The following PARP11 variants were observed in gnomAD, a reference collection of about 807,000 sequenced individuals.
PARP11 encodes the protein protein mono-ADP-ribosyltransferase PARP11.
In PARP11, 31 loss-of-function variants were observed where a neutral mutation model predicts 42.9. That is an observed-to-expected ratio of 0.72 (90% confidence interval 0.54 to 0.98). PARP11 has a LOEUF of 0.98. PARP11 is among the 50% of genes least tolerant of loss of function. The pLI is 0.00. For synonymous variants in PARP11, 137 were observed against 127.3 expected (o/e 1.08, Z -0.51); for missense variants, 365 against 413.1 (o/e 0.88, Z 1.01).
At chr12:3,856,370 T>C (rs1332879635) in intron 1 of PARP11, among the ~76,000 whole-genome samples, 1 of 152,120 alleles carries the variant, frequency 6.6e-6, no homozygotes, top group African/African-American at 2.4e-5. Context: ...AATCTACCCA[T>C]CTGACAAAGG....
intron 6 of PARP11, among the ~76,000 whole-genome samples, chr12:3,821,408 T>C (rs76315635): frequency 0.06 from 9,065 of 152,274 alleles, 344 homozygotes; most frequent in East Asian, 0.18. Flanking sequence ...CAGTAAGGAA[T>C]TGAGATTTTA....
intron 1 of PARP11, among the ~76,000 whole-genome samples, chr12:3,862,498 A>G (rs1948312808): frequency 6.6e-6 from 1 of 151,596 alleles, no homozygotes; most frequent in Non-Finnish European, 1.5e-5. Flanking sequence ...TCACCTGGAA[A>G]TTTGTAGTCT....
chr12:3,859,759 A>G (rs1948264822), intron 1 of PARP11, among the ~76,000 whole-genome samples: 1 of 152,170 alleles, frequency 6.6e-6, no homozygotes, highest in African/African-American at 2.4e-5. Context: ...GATAAATAAA[A>G]AATACCATGC....
intron 1 of PARP11, among the ~76,000 whole-genome samples, chr12:3,834,547 C>G (rs1188006396): frequency 6.7e-6 from 1 of 148,644 alleles, no homozygotes; most frequent in Non-Finnish European, 1.5e-5. Context: ...GAGAAGAGAA[C>G]TGATTGAACC....
intron 3 of PARP11, among the ~76,000 whole-genome samples, chr12:3,827,465 G>A (rs1947550829): frequency 6.6e-6 from 1 of 152,084 alleles, no homozygotes; most frequent in African/African-American, 2.4e-5. Flanking sequence ...TCTGGTGTCT[G>A]TGCATATCAT....
chr12:3,852,574 G>A (rs1210640468), intron 1 of PARP11, among the ~76,000 whole-genome samples: 1 of 152,028 alleles, frequency 6.6e-6, no homozygotes, highest in Non-Finnish European at 1.5e-5. Flanking sequence ...GAAGCAAGAA[G>A]TTTAAAGAAA....
intron 1 of PARP11, among the ~76,000 whole-genome samples, chr12:3,856,358 GC>G (rs1948188858): frequency 6.6e-6 from 1 of 152,072 alleles, no homozygotes; most frequent in South Asian, 2.1e-4. Flanking sequence ...AAAAATTTTT[GC>G]AATCTACCCA....
At chr12:3,830,055 C>A (rs201661286) in intron 1 of PARP11, 37 bp from the exon 2 acceptor site, 3 of 1,590,516 alleles carry the variant, frequency 1.9e-6, no homozygotes, top group African/African-American at 2.7e-5. Flanking sequence ...AGAAATAATT[C>A]TATTAATAAC....
chr12:3,843,301 T>C (rs1461216246), intron 1 of PARP11, among the ~76,000 whole-genome samples: 1 of 152,244 alleles, frequency 6.6e-6, no homozygotes, highest in Non-Finnish European at 1.5e-5. Context: ...TCGAAAGAAA[T>C]GTAGATGCTA....
intron 1 of PARP11, among the ~76,000 whole-genome samples, chr12:3,847,305 T>G (rs1948023215): frequency 1.3e-5 from 2 of 152,058 alleles, no homozygotes; most frequent in Admixed American, 1.3e-4. Flanking sequence ...AGGAAATACT[T>G]CAAACTCAAT....
At chr12:3,815,229 G>C (rs1360839805) in intron 6 of PARP11, among the ~76,000 whole-genome samples, 1 of 152,190 alleles carries the variant, frequency 6.6e-6, no homozygotes, top group African/African-American at 2.4e-5. Context: ...TTTAATGCCT[G>C]CTTCAATTCA....
At chr12:3,818,933 C>G (rs1318966963) in intron 6 of PARP11, among the ~76,000 whole-genome samples, 1 of 152,172 alleles carries the variant, frequency 6.6e-6, no homozygotes, top group Non-Finnish European at 1.5e-5. Flanking sequence ...TGGCCCTCTT[C>G]TTTTCTTAAT....
At chr12:3,816,515 T>C (rs1947289381) in intron 6 of PARP11, among the ~76,000 whole-genome samples, 1 of 152,222 alleles carries the variant, frequency 6.6e-6, no homozygotes, top group Non-Finnish European at 1.5e-5. Flanking sequence ...TCAACCACTA[T>C]AAAGTGAGAA....
chr12:3,853,320 A>G (rs981949690), intron 1 of PARP11, among the ~76,000 whole-genome samples: 4 of 152,222 alleles, frequency 2.6e-5, no homozygotes, highest in African/African-American at 4.8e-5. Context: ...AAATACCCCA[A>G]TTAAAAGACA....
intron 1 of PARP11, among the ~76,000 whole-genome samples, chr12:3,857,241 C>T (rs779687437): frequency 1.2e-4 from 18 of 151,772 alleles, no homozygotes; most frequent in Admixed American, 7.2e-4. Flanking sequence ...CAAACCTGTA[C>T]GTTGTGCACA....
chr12:3,840,924 T>A lies in PARP11; in HGVS notation c.19-10906A>T, dbSNP rs1947874123. Reference sequence around the variant, plus strand: ...TAGTTTCTCCAGAGGTACATCTAACTCCTGCAGTGCCTTCTTTACCAGCCA... The same window carrying A: ...TAGTTTCTCCAGAGGTACATCTAACACCTGCAGTGCCTTCTTTACCAGCCA... On this transcript the variant is annotated intron_variant, in intron 1 of 7. Coordinates refer to ENST00000228820, the MANE Select transcript of PARP11 (RefSeq NM_020367.6). The surrounding 1 kb of genome is among the most constrained non-coding windows in gnomAD (Gnocchi z 4.4). 1.2e-6 allele frequency: 2 copies of A among 1,604,400 alleles called. No individual in the cohort carries two copies. The highest frequency in any genetic ancestry group is 3.3e-5 in the Admixed American group (2 of 59,992).
intron 1 of PARP11, among the ~76,000 whole-genome samples, chr12:3,870,692 G>A (rs938506311): frequency 6.6e-6 from 1 of 152,080 alleles, no homozygotes; most frequent in East Asian, 1.9e-4. Context: ...GATACTATAG[G>A]AAAAATAACA....
At chr12:3,831,973 T>G in intron 1 of PARP11, 11 of 182,838 alleles carry the variant, frequency 6.0e-5, no homozygotes, top group Non-Finnish European at 1.0e-4. Context: ...TTTGGAAGAA[T>G]GAGATTGGAG....
chr12:3,855,127 A>C (rs1338642204), intron 1 of PARP11, among the ~76,000 whole-genome samples: 1 of 152,186 alleles, frequency 6.6e-6, no homozygotes, highest in South Asian at 2.1e-4. Flanking sequence ...TTGATGGAAC[A>C]TAACTCAAAA....
Sources: gnomAD v4.1 joint callset for allele counts (sites outside exome capture counted in the v4.1 genomes callset) on GRCh38, gnomAD v4.1.1 for gene constraint, Gnocchi (gnomAD v3.1) non-coding constraint, MANE v1.5 for transcripts, NCBI Gene and HGNC (gene_info 2026-07-23, HGNC 2026-07-21) for gene names.